Variants in POLI observed in about 807,000 individuals in gnomAD.
POLI encodes the protein DNA polymerase iota, also known as RAD30 homolog B.
A neutral mutation model predicts 51.6 loss-of-function variants in POLI; 58 were observed. The observed-to-expected ratio is 1.12, with a 90% CI of 0.91 to 1.40. The LOEUF is 1.40. POLI is among the 40% of genes most tolerant of loss of function. The pLI is 0.00. For missense variants in POLI, 921 were observed against 871.3 expected (o/e 1.06, Z -0.72); for synonymous variants, 322 against 299.7 (o/e 1.07, Z -0.77).
rs771801296 is a variant in POLI, at chr18:54,293,792, T to C, written c.1548T>C (p.Asn516=). Residue 516 remains asparagine (N), a synonymous_variant, in exon 10 of 10, where the codon AAT becomes AAC. Transcript: ENST00000579534. ...ATTTTTCTAAAGAAAAAGACATTAA[T>C]GAATTCCCACTCTGTTCACTTCCTG... ...TTNFSKEKDI[N]EFPLCSLPEG... is the part of the protein sequence containing the mutation. 1.2e-6 allele frequency: 2 copies of C among 1,606,892 alleles called. No homozygotes were observed. Among genetic ancestry groups the C allele is most frequent in the Admixed American group, 3.4e-5 (2 of 58,868 alleles).
chr18:54,269,540 C>T lies in POLI; in HGVS notation c.-7C>T, dbSNP rs951837040. The T allele has an allele frequency of 2.7e-6, 4 of 1,506,970 alleles. No individual in the cohort carries two copies. In the South Asian group the frequency reaches 3.7e-5, roughly 14 times the overall value. 93.3% of individuals were successfully genotyped at this position (1,506,970 alleles called of 1,614,324 possible). On this transcript the variant is annotated 5_prime_UTR_variant, in exon 1 of 10. Coordinates refer to ENST00000579534, the MANE Select transcript of POLI (RefSeq NM_007195.3). ...CCGGAAGTAGCGCTGCGGTTGGCAGCGGCGGGATGGAGAAGCTGGGGGTGG... is the reference window on the plus strand; with the variant it reads ...CCGGAAGTAGCGCTGCGGTTGGCAGTGGCGGGATGGAGAAGCTGGGGGTGG...
At chr18:54,316,955 T>C (rs564489611) in intron 3 of POLI, among the ~76,000 whole-genome samples, 2 of 152,306 alleles carry the variant, frequency 1.3e-5, no homozygotes, top group East Asian at 3.9e-4. Context: ...CTGGAATTAC[T>C]AAATTGGAGA....
At chr18:54,321,110 A>AGG in exon 5 of POLI, 1 of 152,240 alleles carries the variant, frequency 6.6e-6, no homozygotes, top group Non-Finnish European at 1.5e-5. Context: ...CAGGTTTATC[A>AGG]CAAGGATCCC....
At chr18:54,269,785 A>C in intron 1 of POLI, 124 bp downstream of exon 1, 1 of 1,382,682 alleles carries the variant, frequency 7.2e-7, no homozygotes, top group Non-Finnish European at 9.3e-7. Flanking sequence ...CTCCTCTAAG[A>C]GAGGGCTGCC....
At chr18:54,280,521 T>C (rs1201215503) in intron 4 of POLI, 146 bp from the exon 5 acceptor site, 7 of 619,230 alleles carry the variant, frequency 1.1e-5, no homozygotes, top group Non-Finnish European at 1.7e-5. Context: ...GGGACAAATA[T>C]CACAACCATA....
intron 8 of POLI, 76 bp downstream of exon 8, chr18:54,287,487 T>C: frequency 9.2e-7 from 1 of 1,090,946 alleles, no homozygotes; most frequent in Non-Finnish European, 1.4e-6. Context: ...AGAAATATGC[T>C]CCAAAAATGG....
At chr18:54,290,489 A>C (rs938935789) in intron 8 of POLI, among the ~76,000 whole-genome samples, 10 of 152,324 alleles carry the variant, frequency 6.6e-5, no homozygotes, top group Non-Finnish European at 1.2e-4. Context: ...GTATATACCC[A>C]AAAGATTATA....
At chr18:54,271,539 A>C in intron 2 of POLI, 54 bp downstream of exon 2, 34 of 1,221,394 alleles carry the variant, frequency 2.8e-5, no homozygotes, top group Non-Finnish European at 3.8e-5. Context: ...TTAGCAACTC[A>C]TCATGCTCAT....
chr18:54,281,428 T>C lies in POLI; in HGVS notation c.796+525T>C, dbSNP rs28578303. On this transcript the variant is annotated intron_variant, in intron 5 of 9. Coordinates refer to ENST00000579534, the MANE Select transcript of POLI (RefSeq NM_007195.3). ...CTTTGAAGATTAAATACCCAAGTTTTTATAGGCCATCAATATGTTGAACTA... is the reference window on the plus strand; with the variant it reads ...CTTTGAAGATTAAATACCCAAGTTTCTATAGGCCATCAATATGTTGAACTA... 5.9e-3 allele frequency among the ~76,000 whole-genome samples: 898 copies of C among 152,258 alleles called. 6 individuals are homozygous for C. The highest frequency in any genetic ancestry group is 0.018 in the African/African-American group (767 of 41,550).
rs1051388760 is a variant in POLI, at chr18:54,295,449, T to C, written c.*982T>C. The C allele has an allele frequency of 4.1e-6, 4 of 971,064 alleles. No individual in the cohort carries two copies. Among genetic ancestry groups the C allele is most frequent in the Non-Finnish European group, 4.9e-6 (4 of 816,958 alleles). 60.2% of individuals were successfully genotyped at this position (971,064 alleles called of 1,614,324 possible). On this transcript the variant is annotated 3_prime_UTR_variant, in exon 10 of 10. Coordinates refer to ENST00000579534, the MANE Select transcript of POLI (RefSeq NM_007195.3). ...AATGTATTATATAATTTGCAAGACA[T>C]AGAGGATGTTTATAGAATATACTAA...
chr18:54,293,243 A>G (rs1054771776), intron 9 of POLI, among the ~76,000 whole-genome samples: 1 of 151,636 alleles, frequency 6.6e-6, no homozygotes, highest in Non-Finnish European at 1.5e-5. Context: ...GTTACCCTTT[A>G]GAATAGTAAT....
rs3218779 is a variant in POLI at position 54,287,236 on chromosome 18, T to C, written c.1068-45T>C. The C allele has an allele frequency of 8.5e-4, 1,162 of 1,372,628 alleles. 14 individuals carry two copies. The African/African-American group carries it at 0.015, about 18-fold the overall frequency. 85.0% of individuals were successfully genotyped at this position (1,372,628 alleles called of 1,614,324 possible). On this transcript the variant is annotated intron_variant, in intron 7 of 9. Transcript: ENST00000579534. ...TGAGATGTTACATAATTTAAAAAGG[T>C]AATACTTTTCTAATTCCTTATTTCC...
At chr18:54,287,019 A>G (rs1012759861) in intron 7 of POLI, among the ~76,000 whole-genome samples, 5 of 152,124 alleles carry the variant, frequency 3.3e-5, no homozygotes, top group East Asian at 1.9e-4. Flanking sequence ...ATTGTATCTT[A>G]TATCTCTTCT....
chr18:54,296,086 A>G lies in POLI; in HGVS notation c.*1619A>G. 2.0e-6 allele frequency: 2 copies of G among 984,544 alleles called. No homozygotes were observed. Among genetic ancestry groups the G allele is most frequent in the Non-Finnish European group, 2.4e-6 (2 of 829,086 alleles). 61.0% of individuals were successfully genotyped at this position (984,544 alleles called of 1,614,324 possible). On this transcript the variant is annotated 3_prime_UTR_variant, in exon 10 of 10. Transcript: ENST00000579534. Reference sequence around the variant, plus strand: ...TGCAAATATTTAGTACTCTGAATCAAGGAACATAGTATTTTTTACATGAGT... The same window carrying G: ...TGCAAATATTTAGTACTCTGAATCAGGGAACATAGTATTTTTTACATGAGT...
intron 7 of POLI, among the ~76,000 whole-genome samples, chr18:54,286,593 C>G (rs564046071): frequency 5.3e-4 from 81 of 152,018 alleles, no homozygotes; most frequent in African/African-American, 1.8e-3. Flanking sequence ...TTATTTTTCA[C>G]TTATTTGCTT....
chr18:54,295,563 A>G lies in POLI; in HGVS notation c.*1096A>G, dbSNP rs1326715876. The G allele has an allele frequency of 4.4e-5, 36 of 826,352 alleles. No individual in the cohort carries two copies. Among genetic ancestry groups the G allele is most frequent in the African/African-American group, 7.4e-5 (4 of 53,780 alleles). 51.2% of individuals were successfully genotyped at this position (826,352 alleles called of 1,614,324 possible). On this transcript the variant is annotated 3_prime_UTR_variant, in exon 10 of 10. Transcript: ENST00000579534. ...TCTAAAGAAGAGACTTTAAAAATAA[A>G]GTACACAAATATGAACCAAAGAGTA...
rs1283207295 is a variant in POLI at position 54,269,676 on chromosome 18, G to A, written c.115+15G>A. 3.1e-5 allele frequency: 46 copies of A among 1,500,468 alleles called. No homozygotes were observed. The highest frequency in any genetic ancestry group is 4.1e-5 in the Non-Finnish European group (46 of 1,129,828). 92.9% of individuals were successfully genotyped at this position (1,500,468 alleles called of 1,614,324 possible). A position where few individuals can be genotyped will look rare whatever the true frequency, so the allele number is the denominator to read the frequency against. ...CAGCTCGCAGGGTGCGCCGCAGCCA[G>A]AGGAGCCAGCGGCCTCCTTGGGTGT... On this transcript the variant is annotated intron_variant, in intron 1 of 9. Transcript: ENST00000579534.
At position 54,294,283 on chromosome 18, in the gene POLI, C is replaced by T. The variant is rs780306361; in HGVS notation, c.2039C>T (p.Thr680Ile). Residue 680 changes from threonine to isoleucine, a missense_variant, in exon 10 of 10, where the codon ACA becomes ATA. Physicochemically the swap from Thr to Ile is moderately conservative, Grantham distance 89 (BLOSUM62 -1). Transcript: ENST00000579534. ...RNHTTDSHKQ[T>I]VATDSHEGLT... ...CACACTACAGATAGCCATAAGCAAA[C>T]AGTAGCAACAGACTCTCATGAAGGA... 1 of 1,613,594 alleles carries T rather than the reference C, an allele frequency of 6.2e-7. No individual in the cohort carries two copies. The highest frequency in any genetic ancestry group is 1.3e-5 in the African/African-American group (1 of 75,010).
chr18:54,279,901 T>C (rs2087422117), intron 4 of POLI, among the ~76,000 whole-genome samples: 1 of 152,250 alleles, frequency 6.6e-6, no homozygotes, highest in African/African-American at 2.4e-5. Context: ...TCTTGTTATA[T>C]AATAATACTT....
Sources: gnomAD v4.1 joint callset for allele counts (sites outside exome capture counted in the v4.1 genomes callset) on GRCh38, gnomAD v4.1.1 for gene constraint, MANE v1.5 for transcripts, NCBI Gene and HGNC (gene_info 2026-07-23, HGNC 2026-07-21) for gene names.